The following INTS4 variants were observed in gnomAD, a reference collection of about 807,000 sequenced individuals.
INTS4 encodes the protein MSTP093.
INTS4 carries 70 observed loss-of-function variants against 119.5 expected under a neutral mutation model. That is an observed-to-expected ratio of 0.59 (90% CI 0.48 to 0.71). The LOEUF (loss-of-function observed/expected upper bound fraction) is 0.71, where lower values mean the gene tolerates loss of function less well. INTS4 is among the 30% of genes least tolerant of loss of function. The pLI is 0.00. For missense variants in INTS4, 867 were observed against 1,173.2 expected (o/e 0.74, Z 3.81); for synonymous variants, 316 against 419.6 (o/e 0.75, Z 3.02).
chr11:77,955,280 T>G (rs1157173356), intron 8 of INTS4, among the ~76,000 whole-genome samples: 2 of 152,116 alleles, frequency 1.3e-5, no homozygotes, highest in Non-Finnish European at 2.9e-5. Flanking sequence ...AAGGCTGCAG[T>G]GAGCCGTGAC....
intron 4 of INTS4, among the ~76,000 whole-genome samples, chr11:77,975,805 A>T (rs1565285487): frequency 2.0e-5 from 3 of 152,052 alleles, no homozygotes; most frequent in Admixed American, 6.6e-5. Context: ...AAAATACAAA[A>T]ATTAGCTGGG....
chr11:77,948,990 T>C (rs535876943), intron 8 of INTS4, among the ~76,000 whole-genome samples: 8 of 151,990 alleles, frequency 5.3e-5, no homozygotes, highest in Admixed American at 3.3e-4. Context: ...TGGTTTTTAG[T>C]TTTTTTTAGC....
downstream of INTS4, among the ~76,000 whole-genome samples, chr11:77,874,366 T>C (rs1374364092): frequency 6.6e-6 from 1 of 151,526 alleles, no homozygotes; most frequent in African/African-American, 2.4e-5. Context: ...TCTCTAGTGA[T>C]GCAGTCTTTT....
chr11:77,967,667 G>C (rs1455102976), intron 4 of INTS4, among the ~76,000 whole-genome samples: 1 of 152,090 alleles, frequency 6.6e-6, no homozygotes, highest in Non-Finnish European at 1.5e-5. Flanking sequence ...TATACATTAT[G>C]AGGGACACAA....
chr11:77,912,078 A>G (rs1953099603), intron 15 of INTS4, among the ~76,000 whole-genome samples: 1 of 152,058 alleles, frequency 6.6e-6, no homozygotes, highest in Non-Finnish European at 1.5e-5. Context: ...AAAACTAGAT[A>G]CGGCTAGGCG....
At chr11:77,964,157 G>C (rs1855379620) in intron 4 of INTS4, among the ~76,000 whole-genome samples, 7 of 152,140 alleles carry the variant, frequency 4.6e-5, no homozygotes, top group Admixed American at 4.6e-4. Flanking sequence ...ATGAGGATTA[G>C]CTATCCAATA....
chr11:77,948,743 A>G (rs1449872557), intron 8 of INTS4, among the ~76,000 whole-genome samples: 2 of 149,940 alleles, frequency 1.3e-5, no homozygotes, highest in Non-Finnish European at 3.0e-5. Context: ...ATTAAAAGGT[A>G]CACTACAGCC....
intron 2 of INTS4, among the ~76,000 whole-genome samples, chr11:77,990,190 C>T (rs1189788437): frequency 6.9e-6 from 1 of 144,722 alleles, no homozygotes; most frequent in South Asian, 2.2e-4. Flanking sequence ...CCACTATACT[C>T]CAGGCTGAGT....
At chr11:77,875,420 G>T (rs1951568833), downstream of INTS4, among the ~76,000 whole-genome samples, 1 of 152,164 alleles carries the variant, frequency 6.6e-6, no homozygotes, top group Admixed American at 6.5e-5. Context: ...AGTTACCAAG[G>T]TTTTTTAACT....
chr11:77,941,779 T>C (rs892888216), intron 8 of INTS4, among the ~76,000 whole-genome samples: 4 of 152,180 alleles, frequency 2.6e-5, no homozygotes, highest in African/African-American at 7.2e-5. Flanking sequence ...GTGCTGGGAT[T>C]ACAGGCGTGA....
intron 8 of INTS4, among the ~76,000 whole-genome samples, chr11:77,948,956 C>T (rs1268507485): frequency 6.6e-6 from 1 of 152,008 alleles, no homozygotes; most frequent in Non-Finnish European, 1.5e-5. Flanking sequence ...CAATAAATGA[C>T]TACATCAAAA....
chr11:77,979,680 G>GAA (rs112112129), intron 3 of INTS4, among the ~76,000 whole-genome samples: 45 of 123,474 alleles, frequency 3.6e-4, no homozygotes, highest in African/African-American at 9.1e-4. Context: ...CTAAGAAACA[G>GAA]AAAAAAAAAA....
chr11:77,980,223 C>A (rs941463154), intron 3 of INTS4, among the ~76,000 whole-genome samples: 1 of 152,092 alleles, frequency 6.6e-6, no homozygotes, highest in South Asian at 2.1e-4. Context: ...TGCCTTCCCC[C>A]ACACCTGACT....
At chr11:77,903,066 G>A (rs1194748247) in intron 17 of INTS4, among the ~76,000 whole-genome samples, 6 of 152,088 alleles carry the variant, frequency 3.9e-5, no homozygotes, top group Non-Finnish European at 7.4e-5. Flanking sequence ...CACCGCGCCC[G>A]GCCCAACTGC....
At chr11:77,965,701 A>G (rs1303193799) in intron 4 of INTS4, among the ~76,000 whole-genome samples, 1 of 152,224 alleles carries the variant, frequency 6.6e-6, no homozygotes, top group Non-Finnish European at 1.5e-5. Context: ...TGCATGTTAT[A>G]CACTACATCT....
At chr11:77,971,256 C>CT (rs761993834) in intron 4 of INTS4, among the ~76,000 whole-genome samples, 22 of 151,416 alleles carry the variant, frequency 1.5e-4, no homozygotes, top group Non-Finnish European at 2.7e-4. Flanking sequence ...TAGTTTAATA[C>CT]TTTTTTTTTA....
At chr11:77,943,212 G>A (rs1365301140) in intron 8 of INTS4, among the ~76,000 whole-genome samples, 2 of 152,140 alleles carry the variant, frequency 1.3e-5, no homozygotes, top group African/African-American at 2.4e-5. Context: ...GCAGCACAGA[G>A]GGAGTGCTAT....
chr11:77,910,727 A>G (rs557143268), intron 15 of INTS4, among the ~76,000 whole-genome samples: 1 of 152,194 alleles, frequency 6.6e-6, no homozygotes, highest in East Asian at 1.9e-4. Context: ...TGTGCCCTGT[A>G]GCCCTGCCAC....
chr11:77,922,982 C>T (rs1311770725), intron 12 of INTS4, among the ~76,000 whole-genome samples: 4 of 152,180 alleles, frequency 2.6e-5, no homozygotes, highest in Non-Finnish European at 5.9e-5. Context: ...CCCTTCCTTT[C>T]TGTCTTGAGA....
Sources: gnomAD v4.1 joint callset for allele counts (sites outside exome capture counted in the v4.1 genomes callset) on GRCh38, gnomAD v4.1.1 for gene constraint, MANE v1.5 for transcripts, NCBI Gene and HGNC (gene_info 2026-07-23, HGNC 2026-07-21) for gene names.